Variants in GRM3 observed in about 807,000 individuals in gnomAD.
GRM3 encodes glutamate metabotropic receptor 3, also known as metabotropic glutamate receptor 3.
Under a neutral mutation model 70.5 loss-of-function variants are expected in GRM3, and 26 were observed. That is an observed-to-expected ratio of 0.37 (90% CI 0.27 to 0.51). GRM3 has a LOEUF of 0.51. Among genes scored for constraint, GRM3 ranks in the 20% least tolerant of loss-of-function variants. The pLI, the probability that GRM3 is intolerant of heterozygous loss-of-function variation, is 0.93. For missense variants in GRM3, 859 were observed against 1,123.8 expected (o/e 0.76, Z 3.37); for synonymous variants, 443 against 434.9 (o/e 1.02, Z -0.23).
intron 1 of GRM3, among the ~76,000 whole-genome samples, chr7:86,718,748 C>T (rs963139760): frequency 1.3e-5 from 2 of 151,920 alleles, no homozygotes; most frequent in Non-Finnish European, 2.9e-5. Flanking sequence ...TGGCCAAAAG[C>T]AATTCAACCC....
At chr7:86,666,904 T>A (rs1339145741) in intron 1 of GRM3, among the ~76,000 whole-genome samples, 1 of 152,154 alleles carries the variant, frequency 6.6e-6, no homozygotes, top group Non-Finnish European at 1.5e-5. Flanking sequence ...AAAATTTACA[T>A]CAGATATTTT....
chr7:86,668,269 ATTT>A (rs34101221), intron 1 of GRM3, among the ~76,000 whole-genome samples: 2 of 148,884 alleles, frequency 1.3e-5, no homozygotes, highest in African/African-American at 4.9e-5. Context: ...AAATGTCAAA[ATTT>A]TTTTTTTTTG....
intron 1 of GRM3, among the ~76,000 whole-genome samples, chr7:86,667,285 C>T (rs1396104955): frequency 6.6e-6 from 1 of 151,940 alleles, no homozygotes; most frequent in South Asian, 2.1e-4. Context: ...TCAACCAGGT[C>T]CCTAAAGCAG....
rs73396500 is a variant in GRM3 at position 86,649,085 on chromosome 7, G to A, written c.-141+4213G>A. 2.8e-3 allele frequency among the ~76,000 whole-genome samples: 422 copies of A among 152,258 alleles called. 2 individuals are homozygous for A. Among genetic ancestry groups the A allele is most frequent in the African/African-American group, 9.6e-3 (400 of 41,548 alleles). ...GTGGATTAGGTTAAGAAATCAAGGA[G>A]GAGACATCTTTCCAAAACTTATTTT... On this transcript the variant is annotated intron_variant, in intron 1 of 5. Coordinates refer to ENST00000361669, the MANE Select transcript of GRM3 (RefSeq NM_000840.3).
intron 4 of GRM3, among the ~76,000 whole-genome samples, chr7:86,849,114 C>A (rs1422548494): frequency 1.3e-5 from 2 of 152,128 alleles, no homozygotes; most frequent in East Asian, 3.8e-4. Flanking sequence ...TCTCTGATAT[C>A]CTTCACACTG....
intron 3 of GRM3, among the ~76,000 whole-genome samples, chr7:86,810,822 G>T (rs1225194268): frequency 1.3e-5 from 2 of 151,880 alleles, no homozygotes; most frequent in African/African-American, 2.4e-5. Context: ...TTGAAAATTT[G>T]TGTTTAAAAC....
At chr7:86,798,067 T>C (rs1289751260) in intron 3 of GRM3, among the ~76,000 whole-genome samples, 1 of 152,172 alleles carries the variant, frequency 6.6e-6, no homozygotes, top group Admixed American at 6.5e-5. Context: ...AACACCTGGG[T>C]GTCCAGGGAG....
chr7:86,786,196 T>C lies in GRM3; in HGVS notation c.469-65T>C. 7.2e-7 allele frequency: 1 copy of C among 1,385,392 alleles called. No homozygotes were observed. The highest frequency in any genetic ancestry group is 2.3e-5 in the East Asian group (1 of 43,594). The allele number at this position is 1,385,392 out of a possible 1,614,324, so 85.8% of individuals were successfully genotyped here. A position where few individuals can be genotyped will look rare whatever the true frequency, so the allele number is the denominator to read the frequency against. ...CAGTAAAAGGTGTGGATGCTATTAT[T>C]CATTTTCATGTCCAGTCATCTACCT... On this transcript the variant is annotated intron_variant, in intron 2 of 5. Coordinates refer to ENST00000361669, the MANE Select transcript of GRM3 (RefSeq NM_000840.3). This position sits in a 1 kb window ranked among gnomAD's most constrained non-coding sequence, Gnocchi z 6.0.
Position 86,703,823 on chromosome 7 carries a change from T to C in GRM3, c.-141+58951T>C, listed in dbSNP as rs148035436. ...AATTAAAGCAAATGAAACAGTAAAATGGGCTTATAACTTTTTAAGGTCCTC... is the reference window on the plus strand; with the variant it reads ...AATTAAAGCAAATGAAACAGTAAAACGGGCTTATAACTTTTTAAGGTCCTC... On this transcript the variant is annotated intron_variant, in intron 1 of 5. Coordinates refer to ENST00000361669, the MANE Select transcript of GRM3 (RefSeq NM_000840.3). Among the ~76,000 whole-genome samples, 534 of 152,000 alleles carry C rather than the reference T, an allele frequency of 3.5e-3. 4 individuals carry two copies. The highest frequency in any genetic ancestry group is 0.012 in the African/African-American group (507 of 41,510).
At chr7:86,672,625 T>C (rs868517673) in intron 1 of GRM3, among the ~76,000 whole-genome samples, 1 of 151,878 alleles carries the variant, frequency 6.6e-6, no homozygotes, top group African/African-American at 2.4e-5. Context: ...CAGGAGACCA[T>C]GGCTGGCTCC....
At chr7:86,855,861 T>A (rs1798835871) in intron 5 of GRM3, among the ~76,000 whole-genome samples, 2 of 152,086 alleles carry the variant, frequency 1.3e-5, no homozygotes, top group Admixed American at 1.3e-4. Flanking sequence ...CCAAGCTTCT[T>A]CTCTATAGTT....
intron 3 of GRM3, among the ~76,000 whole-genome samples, chr7:86,804,994 G>A (rs1231068098): frequency 6.6e-6 from 1 of 152,104 alleles, no homozygotes; most frequent in African/African-American, 2.4e-5. Context: ...CATGCCTGTA[G>A]TCCCAGCTAC....
chr7:86,851,511 G>A (rs141429472), intron 5 of GRM3, among the ~76,000 whole-genome samples: 167 of 152,216 alleles, frequency 1.1e-3, no homozygotes, highest in South Asian at 2.3e-3. Flanking sequence ...AGAGGGGAAG[G>A]GAGGACAGAA....
At chr7:86,723,391 G>T (rs1198374724) in intron 1 of GRM3, among the ~76,000 whole-genome samples, 1 of 152,110 alleles carries the variant, frequency 6.6e-6, no homozygotes, top group Non-Finnish European at 1.5e-5. Context: ...ACATAATGGT[G>T]ACTGGCTGAG....
intron 3 of GRM3, among the ~76,000 whole-genome samples, chr7:86,801,367 C>T (rs1008955373): frequency 2.6e-5 from 4 of 152,140 alleles, no homozygotes; most frequent in African/African-American, 4.8e-5. Context: ...GTGTGCCCGG[C>T]CACCACAGCA....
At chr7:86,854,977 C>T (rs147554058) in intron 5 of GRM3, among the ~76,000 whole-genome samples, 21 of 152,268 alleles carry the variant, frequency 1.4e-4, no homozygotes, top group East Asian at 3.9e-4. Flanking sequence ...AGAACCTGGC[C>T]GCTCAGAAAA....
In GRM3 at chr7:86,839,653, C is replaced by A. The variant is rs752052263; in HGVS notation, c.2139C>A (p.Gly713=). The A allele has an allele frequency of 2.5e-5, 41 of 1,613,752 alleles. 1 individual carries two copies. The highest frequency in any genetic ancestry group is 3.1e-5 in the Non-Finnish European group (36 of 1,179,688). ...VSVWLILEAP[G]TRRYTLAEKR... ...TGTGGCTCATCCTGGAGGCCCCAGGCACCAGGAGGTATACCCTTGCAGAGA... is the reference window on the plus strand; with the variant it reads ...TGTGGCTCATCCTGGAGGCCCCAGGAACCAGGAGGTATACCCTTGCAGAGA... Residue 713 remains glycine, a synonymous_variant, in exon 4 of 6, where the codon GGC becomes GGA. Coordinates refer to ENST00000361669, the MANE Select transcript of GRM3 (RefSeq NM_000840.3). The surrounding 1 kb of genome is among the most constrained non-coding windows in gnomAD (Gnocchi z 4.5).
chr7:86,791,296 G>A (rs1004755222), intron 3 of GRM3, among the ~76,000 whole-genome samples: 1 of 152,140 alleles, frequency 6.6e-6, no homozygotes, highest in African/African-American at 2.4e-5. Context: ...TAATATGATT[G>A]CTTTGAAAAA....
intron 2 of GRM3, among the ~76,000 whole-genome samples, chr7:86,785,685 ATTT>A (rs749456155): frequency 0.024 from 1,536 of 64,364 alleles, 50 homozygotes; most frequent in African/African-American, 0.047. Context: ...AATAGAATTG[ATTT>A]TTTTTTTTTT....
Sources: allele counts gnomAD v4.1 joint callset (sites outside exome capture counted in the v4.1 genomes callset), GRCh38; gene constraint gnomAD v4.1.1; non-coding constraint Gnocchi (gnomAD v3.1); transcripts MANE v1.5; gene names NCBI Gene and HGNC (gene_info 2026-07-23, HGNC 2026-07-21).